Variants in CSMD1 observed in about 807,000 individuals in gnomAD.
The protein encoded by CSMD1 is CUB and sushi domain-containing protein 1.
A neutral mutation model predicts 417.5 loss-of-function variants in CSMD1; 213 were observed. That is an observed-to-expected ratio of 0.51 (90% CI 0.46 to 0.57). The LOEUF is 0.57. Among genes scored for constraint, CSMD1 ranks in the 20% least tolerant of loss-of-function variants. The pLI is 0.00. For synonymous variants in CSMD1, 2,862 were observed against 1,736.8 expected (o/e 1.65, Z -16.11); for missense variants, 6,923 against 4,529.7 (o/e 1.53, Z -15.17).
At chr8:3,429,968 G>C (rs1465945350) in intron 12 of CSMD1, among the ~76,000 whole-genome samples, 5 of 151,870 alleles carry the variant, frequency 3.3e-5, no homozygotes, top group African/African-American at 2.4e-5. Flanking sequence ...ATCGATATCT[G>C]TATGTATGTA....
intron 1 of CSMD1, among the ~76,000 whole-genome samples, chr8:4,861,222 C>T (rs991722779): frequency 6.6e-6 from 1 of 152,118 alleles, no homozygotes; most frequent in Non-Finnish European, 1.5e-5. Context: ...TATTTCATTA[C>T]TTCTGTAGAC....
chr8:3,753,001 CT>C (rs1365346699), intron 6 of CSMD1, among the ~76,000 whole-genome samples: 1 of 152,160 alleles, frequency 6.6e-6, no homozygotes, highest in African/African-American at 2.4e-5. Flanking sequence ...TGCATTCTGA[CT>C]TTCATGGGAG....
At chr8:3,693,398 A>T (rs1216271373) in intron 7 of CSMD1, among the ~76,000 whole-genome samples, 2 of 152,166 alleles carry the variant, frequency 1.3e-5, no homozygotes, top group Admixed American at 6.5e-5. Context: ...GACTTTTGTT[A>T]AGAGTGTGGG....
chr8:3,653,379 G>A (rs1398539641), intron 7 of CSMD1, among the ~76,000 whole-genome samples: 1 of 152,042 alleles, frequency 6.6e-6, no homozygotes, highest in Non-Finnish European at 1.5e-5. Context: ...CATGATCTCG[G>A]CTCATTGCAA....
In CSMD1 at chr8:4,657,675, A is replaced by C. The variant is rs539797936; in HGVS notation, c.86-20117T>G. 2.0e-5 allele frequency among the ~76,000 whole-genome samples: 3 copies of C among 151,896 alleles called. 1 individual carries two copies. On this transcript the variant is annotated intron_variant, in intron 1 of 69. Coordinates refer to ENST00000635120, the MANE Select transcript of CSMD1 (RefSeq NM_033225.6). ...AAACATGGCCAGTTCTCAAAAAATC[A>C]TAAAACATTAACAAAAAGAAAATAT...
intron 5 of CSMD1, among the ~76,000 whole-genome samples, chr8:3,814,555 C>G (rs138136171): frequency 2.0e-5 from 3 of 152,294 alleles, no homozygotes; most frequent in Non-Finnish European, 4.4e-5. Flanking sequence ...GTTGTGATAT[C>G]AGGGTGGATA....
intron 10 of CSMD1, among the ~76,000 whole-genome samples, chr8:3,524,247 A>G (rs1021815652): frequency 1.7e-4 from 26 of 151,584 alleles, no homozygotes; most frequent in African/African-American, 5.8e-4. Flanking sequence ...ATACACACCC[A>G]GAGACATACA....
At chr8:4,296,569 T>A (rs1797696288) in intron 3 of CSMD1, among the ~76,000 whole-genome samples, 1 of 151,882 alleles carries the variant, frequency 6.6e-6, no homozygotes, top group Non-Finnish European at 1.5e-5. Flanking sequence ...GATGGATGTA[T>A]TTCTACATGC....
chr8:4,933,996 T>A (rs1478859820), intron 1 of CSMD1, among the ~76,000 whole-genome samples: 6 of 149,434 alleles, frequency 4.0e-5, no homozygotes, highest in African/African-American at 1.5e-4. Context: ...CTTACGTTTA[T>A]GCTTTTTTTT....
At chr8:4,716,215 A>G (rs1405135236) in intron 1 of CSMD1, among the ~76,000 whole-genome samples, 2 of 152,182 alleles carry the variant, frequency 1.3e-5, no homozygotes, top group Non-Finnish European at 2.9e-5. Flanking sequence ...GCTCATCTAG[A>G]GAACAGAAGG....
intron 23 of CSMD1, among the ~76,000 whole-genome samples, chr8:3,311,725 G>A (rs1437057336): frequency 6.6e-6 from 1 of 152,158 alleles, no homozygotes; most frequent in Non-Finnish European, 1.5e-5. Context: ...ACCATCATAA[G>A]TTGTGGGCTG....
intron 3 of CSMD1, among the ~76,000 whole-genome samples, chr8:4,286,901 T>G (rs989246761): frequency 6.6e-6 from 1 of 152,164 alleles, no homozygotes; most frequent in Non-Finnish European, 1.5e-5. Flanking sequence ...GGCCAAGGAG[T>G]TGATTCAAAT....
intron 4 of CSMD1, among the ~76,000 whole-genome samples, chr8:3,998,884 C>T (rs1486448887): frequency 1.3e-5 from 2 of 149,176 alleles, no homozygotes; most frequent in Non-Finnish European, 3.0e-5. Flanking sequence ...ATATATATAA[C>T]ATATAATCTA....
intron 43 of CSMD1, among the ~76,000 whole-genome samples, chr8:3,109,391 G>C (rs908883279): frequency 6.6e-6 from 1 of 152,104 alleles, no homozygotes; most frequent in Non-Finnish European, 1.5e-5. Context: ...GTTTTAAAAC[G>C]GCAGTTTCAT....
chr8:2,990,778 T>G (rs1302229159), intron 54 of CSMD1, among the ~76,000 whole-genome samples: 1 of 152,118 alleles, frequency 6.6e-6, no homozygotes, highest in Non-Finnish European at 1.5e-5. Context: ...ATAATCCCCA[T>G]GTATTTGTTC....
chr8:3,895,357 A>C (rs1323591715), intron 5 of CSMD1, among the ~76,000 whole-genome samples: 1 of 152,186 alleles, frequency 6.6e-6, no homozygotes, highest in Non-Finnish European at 1.5e-5. Context: ...ACAATTTATA[A>C]CACAAGGGAA....
intron 3 of CSMD1, among the ~76,000 whole-genome samples, chr8:4,072,252 T>C (rs1303302326): frequency 3.9e-5 from 6 of 152,200 alleles, no homozygotes; most frequent in Admixed American, 6.5e-5. Context: ...TTGAATCCCA[T>C]AGGAGTTTAT....
chr8:4,279,377 A>G (rs1001830720), intron 3 of CSMD1, among the ~76,000 whole-genome samples: 2 of 152,210 alleles, frequency 1.3e-5, no homozygotes, highest in African/African-American at 2.4e-5. Context: ...ACAGAATGTC[A>G]AGTATCTTCC....
At chr8:3,511,512 T>G (rs1461600927) in intron 10 of CSMD1, among the ~76,000 whole-genome samples, 1 of 151,666 alleles carries the variant, frequency 6.6e-6, no homozygotes, top group Non-Finnish European at 1.5e-5. Flanking sequence ...CCCTGCACTT[T>G]GGGAGGCCGA....
Sources: allele counts gnomAD v4.1 joint callset (sites outside exome capture counted in the v4.1 genomes callset), GRCh38; gene constraint gnomAD v4.1.1; transcripts MANE v1.5; gene names NCBI Gene and HGNC (gene_info 2026-07-23, HGNC 2026-07-21).